TENM3: variants seen among roughly 807,000 people sequenced by gnomAD.
The protein encoded by TENM3 is teneurin transmembrane protein 3, also known as teneurin-3.
A neutral mutation model predicts 255.1 loss-of-function variants in TENM3; 63 were observed. The observed-to-expected ratio is 0.25, with a 90% CI of 0.20 to 0.30. TENM3 has a LOEUF of 0.30. Among genes scored for constraint, TENM3 ranks in the 10% least tolerant of loss-of-function variants. TENM3 has a pLI of 1.00. For synonymous variants in TENM3, 1,306 were observed against 1,322.3 expected, an observed-to-expected ratio of 0.99 and a Z score of 0.27; for missense variants, 2,929 against 3,461.1, an observed-to-expected ratio of 0.85 and a Z score of 3.86.
At chr4:181,628,036 G>C in the TENM3 span, among the ~76,000 whole-genome samples, 1 of 152,138 alleles carries the variant, frequency 6.6e-6, no homozygotes, top group Non-Finnish European at 1.5e-5. Flanking sequence ...ATACTAACTG[G>C]TGTGAGATGG....
chr4:181,712,418 T>C, the TENM3 span, among the ~76,000 whole-genome samples: 1 of 152,142 alleles, frequency 6.6e-6, no homozygotes, highest in Non-Finnish European at 1.5e-5. Context: ...CTCCTGCCGT[T>C]TGAGAGGTAT....
At chr4:182,322,142 A>T (rs1443065373) in intron 1 of TENM3, among the ~76,000 whole-genome samples, 1 of 152,192 alleles carries the variant, frequency 6.6e-6, no homozygotes, top group Admixed American at 6.5e-5. Flanking sequence ...CTATTGGAAG[A>T]ATTTGTAAAT....
At chr4:182,135,278 A>G in the TENM3 span, among the ~76,000 whole-genome samples, 344 of 151,474 alleles carry the variant, frequency 2.3e-3, 2 homozygotes, top group African/African-American at 7.8e-3. Flanking sequence ...AGCTTTACCT[A>G]GAAGGTTGTT....
At chr4:181,775,411 A>G in the TENM3 span, among the ~76,000 whole-genome samples, 1 of 152,150 alleles carries the variant, frequency 6.6e-6, no homozygotes. Flanking sequence ...AGGATTATGT[A>G]TATATATGCC....
the TENM3 span, among the ~76,000 whole-genome samples, chr4:181,626,882 T>C: frequency 6.6e-6 from 1 of 152,150 alleles, no homozygotes; most frequent in African/African-American, 2.4e-5. Context: ...AAATAGATAA[T>C]TGGACCAGGG....
chr4:182,501,845 A>G (rs1018716935), intron 3 of TENM3, among the ~76,000 whole-genome samples: 4 of 152,022 alleles, frequency 2.6e-5, no homozygotes, highest in Non-Finnish European at 5.9e-5. Flanking sequence ...CTCAAATTGT[A>G]TTTATTCTTT....
At chr4:181,994,554 G>GGTTTT in the TENM3 span, among the ~76,000 whole-genome samples, 2 of 128,386 alleles carry the variant, frequency 1.6e-5, no homozygotes, top group African/African-American at 5.9e-5. Context: ...TTTTTTGTGG[G>GGTTTT]TTTTTTTTTT....
At chr4:181,494,433 C>T in the TENM3 span, among the ~76,000 whole-genome samples, 106 of 152,078 alleles carry the variant, frequency 7.0e-4, 1 homozygote, top group African/African-American at 1.9e-3. Flanking sequence ...TACAGGTGTC[C>T]GCCACCACGC....
At chr4:181,512,935 G>A in the TENM3 span, among the ~76,000 whole-genome samples, 1 of 152,146 alleles carries the variant, frequency 6.6e-6, no homozygotes, top group Admixed American at 6.5e-5. Flanking sequence ...AAGTGTCTGT[G>A]CTTTCTTTTT....
chr4:181,774,011 T>C, the TENM3 span, among the ~76,000 whole-genome samples: 2 of 130,208 alleles, frequency 1.5e-5, no homozygotes, highest in African/African-American at 6.8e-5. Flanking sequence ...GTGTTTTTTT[T>C]TTTTTTTTTT....
In TENM3 at chr4:182,792,454, T is replaced by C; in HGVS notation, c.5782T>C (p.Tyr1928His). The change falls in exon 26 of 28, where the codon TAC becomes CAC. Residue 1928 changes from tyrosine (Y) to histidine (H), a missense_variant. Physicochemically the swap from Tyr to His is moderately conservative, Grantham distance 83 (BLOSUM62 2). Transcript: ENST00000511685. This position sits in a 1 kb window ranked among gnomAD's most constrained non-coding sequence, Gnocchi z 6.3. ...AAGCAACGCCTCCATCATCACGGACTACAACGAGGAAGGGCTGCTTCTACA... is the reference window on the plus strand; with the variant it reads ...AAGCAACGCCTCCATCATCACGGACCACAACGAGGAAGGGCTGCTTCTACA... Reference protein sequence around the residue: ...PESNASIITDYNEEGLLLQTA... With the variant: ...PESNASIITDHNEEGLLLQTA... 1 of 1,614,040 alleles carries C rather than the reference T, an allele frequency of 6.2e-7. No individual in the cohort carries two copies. Among genetic ancestry groups the C allele is most frequent in the South Asian group, 1.1e-5 (1 of 91,080 alleles).
At chr4:182,592,050 A>G (rs1455200038) in intron 3 of TENM3, among the ~76,000 whole-genome samples, 2 of 152,122 alleles carry the variant, frequency 1.3e-5, no homozygotes, top group African/African-American at 4.8e-5. Context: ...TTTCTGGACA[A>G]AAGAGGCATT....
chr4:181,940,638 T>C, the TENM3 span, among the ~76,000 whole-genome samples: 1 of 152,194 alleles, frequency 6.6e-6, no homozygotes, highest in Non-Finnish European at 1.5e-5. Context: ...TAGGGTGGAC[T>C]CATTGAAAAG....
chr4:181,792,030 T>C, the TENM3 span, among the ~76,000 whole-genome samples: 1 of 152,372 alleles, frequency 6.6e-6, no homozygotes, highest in East Asian at 1.9e-4. Flanking sequence ...TTAGTCTACA[T>C]GATAAGTGTT....
the TENM3 span, among the ~76,000 whole-genome samples, chr4:181,453,569 A>AT: frequency 6.6e-6 from 1 of 151,960 alleles, no homozygotes; most frequent in East Asian, 1.9e-4. Context: ...AGCAAAAAAA[A>AT]AGGTCAGGGG....
rs1561153352 is a variant in TENM3, at chr4:182,161,784, CAAAT to C, written c.-76+17032_-76+17035del. Among the ~76,000 whole-genome samples the C allele has an allele frequency of 3.4e-3, 45 of 13,104 alleles. 6 individuals carry two copies. The highest frequency in any genetic ancestry group is 0.083 in the Middle Eastern group (1 of 12). The allele number at this position is 13,104 out of a possible 152,430, so 8.6% of individuals were successfully genotyped here. ...ATATATATGTGTATATATATATACA[CAAAT>C]ATATGTATATATATACACATATATA... On this transcript the variant is annotated intron_variant, in intron 1 of 2. Coordinates refer to the TENM3 transcript ENST00000512480.
chr4:182,317,104 G>A (rs367894867), intron 1 of TENM3, among the ~76,000 whole-genome samples: 1 of 152,152 alleles, frequency 6.6e-6, no homozygotes, highest in Non-Finnish European at 1.5e-5. Context: ...GAAGCAAAAG[G>A]TGGCTTCTTA....
At chr4:181,755,371 A>C in the TENM3 span, among the ~76,000 whole-genome samples, 3 of 151,502 alleles carry the variant, frequency 2.0e-5, no homozygotes, top group South Asian at 6.3e-4. Context: ...TTTTTACTTA[A>C]TGTGATTATT....
At chr4:181,929,335 T>C in the TENM3 span, among the ~76,000 whole-genome samples, 1 of 150,502 alleles carries the variant, frequency 6.6e-6, no homozygotes, top group East Asian at 2.0e-4. Context: ...AAGGAATATT[T>C]ACCAAGCAAA....
Sources: gnomAD v4.1 joint callset for allele counts (sites outside exome capture counted in the v4.1 genomes callset) on GRCh38, gnomAD v4.1.1 for gene constraint, Gnocchi (gnomAD v3.1) non-coding constraint, MANE v1.5 for transcripts, NCBI Gene and HGNC (gene_info 2026-07-23, HGNC 2026-07-21) for gene names.